The following IRAK1BP1 variants were observed in gnomAD, a reference collection of about 807,000 sequenced individuals.
IRAK1BP1 encodes the protein interleukin-1 receptor-associated kinase 1-binding protein 1.
A neutral mutation model predicts 28.0 loss-of-function variants in IRAK1BP1; 24 were observed. That is an observed-to-expected ratio of 0.86 (90% CI 0.62 to 1.20). IRAK1BP1 has a LOEUF of 1.20. Ranked by LOEUF, IRAK1BP1 falls within the 50% of genes most tolerant of loss-of-function variation. The probability of loss-of-function intolerance (pLI) is 0.00; values close to 1 mark genes in which losing one functional copy is unlikely to be tolerated. For missense variants in IRAK1BP1, 336 were observed against 316.7 expected (o/e 1.06, Z -0.46); for synonymous variants, 131 against 116.3 (o/e 1.13, Z -0.81).
At chr6:78,929,145 C>A (rs1232958669) in intron 4 of IRAK1BP1, among the ~76,000 whole-genome samples, 1 of 151,692 alleles carries the variant, frequency 6.6e-6, no homozygotes, top group Admixed American at 6.6e-5. Flanking sequence ...AGGTGTCAGG[C>A]TTTTTTTTAC....
chr6:78,966,054 C>T, the IRAK1BP1 span: 8 of 1,604,806 alleles, frequency 5.0e-6, no homozygotes, highest in Non-Finnish European at 6.8e-6. Context: ...CTGAAGCGGT[C>T]ACCTGGCCAA....
chr6:78,961,773 T>C, the IRAK1BP1 span: 1 of 1,611,856 alleles, frequency 6.2e-7, no homozygotes, highest in African/African-American at 1.3e-5. Flanking sequence ...TGGGATAGGC[T>C]TGCAGATCCA....
chr6:78,962,028 T>C, the IRAK1BP1 span, among the ~76,000 whole-genome samples: 660 of 152,232 alleles, frequency 4.3e-3, 2 homozygotes, highest in African/African-American at 0.014. Context: ...GTTTTATTCA[T>C]AGGTTCACCG....
At chr6:78,935,193 G>T (rs908902733) in intron 4 of IRAK1BP1, among the ~76,000 whole-genome samples, 2 of 152,008 alleles carry the variant, frequency 1.3e-5, no homozygotes, top group South Asian at 2.1e-4. Context: ...ATAAAGAAAA[G>T]GTTATCAGGA....
At chr6:78,908,849 C>T (rs117004796) in intron 4 of IRAK1BP1, among the ~76,000 whole-genome samples, 3,629 of 152,210 alleles carry the variant, frequency 0.024, 45 homozygotes, top group Non-Finnish European at 0.037. Context: ...AAGTTCTTTC[C>T]CAACAACAGG....
chr6:78,972,715 G>A, the IRAK1BP1 span, among the ~76,000 whole-genome samples: 2 of 152,156 alleles, frequency 1.3e-5, no homozygotes, highest in Admixed American at 6.5e-5. Flanking sequence ...CAAGGCTCGA[G>A]AACTATGTGA....
At chr6:78,881,125 C>T (rs1245584507) in intron 1 of IRAK1BP1, among the ~76,000 whole-genome samples, 2 of 152,124 alleles carry the variant, frequency 1.3e-5, no homozygotes, top group Non-Finnish European at 2.9e-5. Flanking sequence ...GCCAAGATGT[C>T]TTTCAGCAGT....
chr6:78,872,241 T>TA, intron 1 of IRAK1BP1: 1 of 599,504 alleles, frequency 1.7e-6, no homozygotes, highest in Non-Finnish European at 3.0e-6. Flanking sequence ...TTTCTTTCCT[T>TA]ATCTGTCTTG....
the IRAK1BP1 span, chr6:78,961,918 A>AGTCTGCCAC: frequency 1.3e-6 from 1 of 766,874 alleles, no homozygotes; most frequent in Non-Finnish European, 2.1e-6. Context: ...CATAATCATT[A>AGTCTGCCAC]GTCTGCCACT....
At chr6:78,936,163 C>A (rs1773265858) in intron 4 of IRAK1BP1, 1 of 151,952 alleles carries the variant, frequency 6.6e-6, no homozygotes, top group Non-Finnish European at 1.5e-5. Flanking sequence ...TTTTAAAACT[C>A]TGTGTTACTT....
At position 78,898,210 on chromosome 6, in the gene IRAK1BP1, C is replaced by A; in HGVS notation, c.659C>A (p.Ser220Ter). The change falls in exon 4 of 4, where the codon TCA becomes TAA. Residue 220 changes from serine (S) to a stop codon, truncating the protein, a stop_gained. Transcript: ENST00000369940. LOFTEE classifies it high-confidence loss of function. ...EWEGQIDDHQSSRLSSSLTVQ... is the reference protein window; with the variant it reads ...EWEGQIDDHQ ...GAAGGCCAAATAGATGATCACCAGT[C>A]ATCCAGACTCTCAAGTTCATTAACT... is the stretch of plus-strand genomic sequence containing the variant. 1 of 1,613,524 alleles carries A rather than the reference C, an allele frequency of 6.2e-7. No homozygotes were observed. The highest frequency in any genetic ancestry group is 1.1e-5 in the South Asian group (1 of 91,038).
At chr6:78,978,510 T>C in the IRAK1BP1 span, 1 of 1,129,160 alleles carries the variant, frequency 8.9e-7, no homozygotes, top group Non-Finnish European at 1.3e-6. Flanking sequence ...GCTTCTATTT[T>C]CCAGAAGTCT....
the IRAK1BP1 span, among the ~76,000 whole-genome samples, chr6:78,971,828 A>G: frequency 6.6e-6 from 1 of 152,198 alleles, no homozygotes; most frequent in Non-Finnish European, 1.5e-5. Context: ...AATGGGCTTA[A>G]AAAACGGCGC....
At chr6:78,908,197 C>T (rs1028204248) in intron 4 of IRAK1BP1, among the ~76,000 whole-genome samples, 1 of 151,670 alleles carries the variant, frequency 6.6e-6, no homozygotes, top group African/African-American at 2.4e-5. Flanking sequence ...AATACAGGTG[C>T]CCGCCATCAT....
At chr6:78,940,548 GTTTTTTTTTTT>G (rs36155238) in intron 4 of IRAK1BP1, 1 of 79,802 alleles carries the variant, frequency 1.3e-5, no homozygotes, top group Middle Eastern at 0.012. Flanking sequence ...TCGTAAGTTT[GTTTTTTTTTTT>G]TTTTTTTTTT....
At chr6:78,868,307 G>A (rs1000293329) in intron 1 of IRAK1BP1, among the ~76,000 whole-genome samples, 1 of 152,102 alleles carries the variant, frequency 6.6e-6, no homozygotes, top group African/African-American at 2.4e-5. Context: ...GGCAAGTGAA[G>A]AGCACGACCT....
the IRAK1BP1 span, among the ~76,000 whole-genome samples, chr6:78,979,098 G>A: frequency 6.6e-6 from 1 of 152,092 alleles, no homozygotes; most frequent in African/African-American, 2.4e-5. Flanking sequence ...TTTTTTATAA[G>A]AGACTTGAAC....
At chr6:78,922,278 C>T (rs1772756895) in intron 4 of IRAK1BP1, among the ~76,000 whole-genome samples, 1 of 152,100 alleles carries the variant, frequency 6.6e-6, no homozygotes, top group Middle Eastern at 3.2e-3. Flanking sequence ...ATGACAAATG[C>T]ACAAGCCTCA....
downstream of IRAK1BP1, chr6:78,903,234 A>G (rs913314632): frequency 3.8e-6 from 2 of 523,464 alleles, no homozygotes; most frequent in Admixed American, 3.4e-5. Context: ...TGTAATCCCA[A>G]CACTTCGGGA....
Sources: allele counts gnomAD v4.1 joint callset (sites outside exome capture counted in the v4.1 genomes callset), GRCh38; gene constraint gnomAD v4.1.1; transcripts MANE v1.5; gene names NCBI Gene and HGNC (gene_info 2026-07-23, HGNC 2026-07-21).